CAMSAP1: variants seen among roughly 807,000 people sequenced by gnomAD.
CAMSAP1 encodes the protein calmodulin regulated spectrin associated protein 1.
CAMSAP1 carries 58 observed loss-of-function variants against 143.5 expected under a neutral mutation model. The ratio of observed to expected loss-of-function variants is 0.40; its 90% CI spans 0.33 to 0.50. CAMSAP1 has a LOEUF of 0.50. Ranked by LOEUF, CAMSAP1 falls within the 20% of genes least tolerant of loss-of-function variation. The pLI, the probability that CAMSAP1 is intolerant of heterozygous loss-of-function variation, is 0.45. For synonymous variants in CAMSAP1, 945 were observed against 859.3 expected (o/e 1.10, Z -1.74); for missense variants, 1,969 against 2,115.7 (o/e 0.93, Z 1.36).
rs1588445602 is a variant in CAMSAP1 at position 135,822,301 on chromosome 9, T to C, written c.2360A>G (p.Asp787Gly). The change falls in exon 11 of 17, where the codon GAC (aspartate) becomes GGC (glycine). Residue 787 changes from aspartate to glycine, a missense_variant. Asp to Gly is a moderately conservative substitution (Grantham distance 94, BLOSUM62 -1). Around this residue, in one of 4 missense-constraint regions of CAMSAP1, gnomAD observed 1,390 missense variants for 1,420.8 expected, o/e 0.98. Transcript: ENST00000389532. The surrounding 1 kb of genome is among the most constrained non-coding windows in gnomAD (Gnocchi z 6.1). Reference protein sequence around the residue: ...MKVKEHEDKDDASGRSSPCLS... With the variant: ...MKVKEHEDKDGASGRSSPCLS... ...GCAGGGGCTCGAGCGGCCGCTGGCG[T>C]CATCTTTGTCTTCATGTTCCTTCAC... 6.2e-7 allele frequency: 1 copy of C among 1,614,004 alleles called. No homozygotes were observed. The highest frequency in any genetic ancestry group is 8.5e-7 in the Non-Finnish European group (1 of 1,179,900).
intron 14 of CAMSAP1, among the ~76,000 whole-genome samples, chr9:135,816,611 C>T (rs1198953665): frequency 6.6e-6 from 1 of 152,162 alleles, no homozygotes; most frequent in South Asian, 2.1e-4. Context: ...GGGTAACTGA[C>T]CACCAGAACA....
At position 135,827,583 on chromosome 9, in the gene CAMSAP1, C is replaced by T. The variant is rs142430334; in HGVS notation, c.1047G>A (p.Ala349=). 35 of 1,560,076 alleles carry T rather than the reference C, an allele frequency of 2.2e-5. No homozygotes were observed. Among genetic ancestry groups the T allele is most frequent in the Admixed American group, 3.6e-5 (2 of 55,342 alleles). Residue 349 remains alanine (A), a splice_region_variant and synonymous_variant, in exon 8 of 17, where the codon GCG becomes GCA. Transcript: ENST00000389532. ...TGCTCTTCTGGTGTAACACTGTTTT[C>T]GCTGCAGAAATAGCGTTTTTGCATC... The part of the protein sequence containing the change: ...QPRDVQELKD[A]KTVLHQKSSR...
At chr9:135,859,701 C>A (rs750414232) in intron 5 of CAMSAP1, among the ~76,000 whole-genome samples, 1 of 151,942 alleles carries the variant, frequency 6.6e-6, no homozygotes, top group South Asian at 2.1e-4. Context: ...CGTAACTCTG[C>A]CATTTTTTAA....
rs558937854 is a variant in CAMSAP1 at position 135,822,571 on chromosome 9, G to A, written c.2090C>T (p.Thr697Met). 11 of 1,613,618 alleles carry A rather than the reference G, an allele frequency of 6.8e-6. No homozygotes were observed. The Admixed American group carries it at 1.2e-4, about 17-fold the overall frequency. ...GFDPFPQGPS[T>M]DGFFLHVGRA... ...GCCTACATGAAGGAAGAAGCCATCCGTGGATGGTCCCTGGGGGAACGGATC... is the reference window on the plus strand; with the variant it reads ...GCCTACATGAAGGAAGAAGCCATCCATGGATGGTCCCTGGGGGAACGGATC... The change falls in exon 11 of 17, where the codon ACG (threonine) becomes ATG (methionine). Residue 697 changes from threonine to methionine, a missense_variant. Around this residue, in one of 4 missense-constraint regions of CAMSAP1, gnomAD observed 1,390 missense variants for 1,420.8 expected, o/e 0.98. Transcript: ENST00000389532. This position sits in a 1 kb window ranked among gnomAD's most constrained non-coding sequence, Gnocchi z 6.1.
intron 16 of CAMSAP1, among the ~76,000 whole-genome samples, chr9:135,814,814 G>T (rs143279101): frequency 7.2e-5 from 11 of 152,284 alleles, no homozygotes; most frequent in Non-Finnish European, 1.5e-4. Context: ...ATCTCACTGA[G>T]TAGAACTATG....
rs148187558 is a variant in CAMSAP1 at position 135,898,814 on chromosome 9, G to C, written c.160+8186C>G. The stretch of plus-strand genomic sequence containing the variant: ...AAACAACTGGGCACTTTCTTACAAA[G>C]TTACACATATGTATCTTATTATCAC... On this transcript the variant is annotated intron_variant, in intron 1 of 16. Coordinates refer to ENST00000389532, the MANE Select transcript of CAMSAP1 (RefSeq NM_015447.4). Among the ~76,000 whole-genome samples the C allele has an allele frequency of 3.3e-3, 507 of 152,292 alleles. 1 individual carries two copies. Among genetic ancestry groups the C allele is most frequent in the Non-Finnish European group, 5.6e-3 (383 of 68,028 alleles).
rs1464108502 is a variant in CAMSAP1, at chr9:135,818,505, C to T, written c.4071G>A (p.Gly1357=). 1.2e-6 allele frequency: 2 copies of T among 1,611,376 alleles called. No individual in the cohort carries two copies. Among genetic ancestry groups the T allele is most frequent in the South Asian group, 1.1e-5 (1 of 91,010 alleles). ...RKQQQILEEQ[G]LGKPKSKPKK... ...TCGGCTTTGACTTGGGCTTGCCGAG[C>T]CCCTGCTCCTCTAGGATCTGCTGCT... Residue 1357 remains glycine (G), a synonymous_variant, in exon 13 of 17, where the codon GGG becomes GGA. Coordinates refer to ENST00000389532, the MANE Select transcript of CAMSAP1 (RefSeq NM_015447.4). This position sits in a 1 kb window ranked among gnomAD's most constrained non-coding sequence, Gnocchi z 7.7.
chr9:135,886,614 A>T (rs1471707833), intron 1 of CAMSAP1, among the ~76,000 whole-genome samples: 1 of 152,228 alleles, frequency 6.6e-6, no homozygotes, highest in Non-Finnish European at 1.5e-5. Flanking sequence ...CTGTCAGCAG[A>T]GCGAGACAGG....
rs752364311 is a variant in CAMSAP1 at position 135,882,195 on chromosome 9, C to T, written c.424-401G>A. ...CCAACTGCCCACCAGAGGCCTCTGGCTCCTAGTCCAGAGCTCTACCTGCTA... is the reference window on the plus strand; with the variant it reads ...CCAACTGCCCACCAGAGGCCTCTGGTTCCTAGTCCAGAGCTCTACCTGCTA... On this transcript the variant is annotated intron_variant, in intron 2 of 16. Transcript: ENST00000389532. The surrounding 1 kb of genome is among the most constrained non-coding windows in gnomAD (Gnocchi z 4.9). Among the ~76,000 whole-genome samples the T allele has an allele frequency of 3.2e-4, 48 of 152,196 alleles. No individual in the cohort carries two copies. Among genetic ancestry groups the T allele is most frequent in the Admixed American group, 2.0e-3 (30 of 15,286 alleles).
At chr9:135,874,957 A>G (rs1837690110) in intron 3 of CAMSAP1, among the ~76,000 whole-genome samples, 1 of 152,274 alleles carries the variant, frequency 6.6e-6, no homozygotes, top group Non-Finnish European at 1.5e-5. Flanking sequence ...TAAACTATAT[A>G]CAAAATGTTA....
At chr9:135,877,350 A>C (rs1389591099) in intron 3 of CAMSAP1, among the ~76,000 whole-genome samples, 1 of 152,146 alleles carries the variant, frequency 6.6e-6, no homozygotes, top group Non-Finnish European at 1.5e-5. Flanking sequence ...GTAGAGGATT[A>C]ACTGCAAAGC....
chr9:135,865,077 G>C (rs535232689), intron 4 of CAMSAP1, among the ~76,000 whole-genome samples: 14 of 152,160 alleles, frequency 9.2e-5, no homozygotes, highest in African/African-American at 3.4e-4. Context: ...CTCTCATTAC[G>C]TGCACGTTGA....
At position 135,892,848 on chromosome 9, in the gene CAMSAP1, C is replaced by CAAAAAAAAAAAAAAA. The variant is rs59978082; in HGVS notation, c.161-9785_161-9771dup. On this transcript the variant is annotated intron_variant, in intron 1 of 16. Coordinates refer to ENST00000389532, the MANE Select transcript of CAMSAP1 (RefSeq NM_015447.4). ...CCTGGGCAACAGAGCAAGACTGTCT[C>CAAAAAAAAAAAAAAA]AAAAAAAAAAAAAAAAAAAGAACTA... is the stretch of plus-strand genomic sequence containing the variant. Among the ~76,000 whole-genome samples, 382 of 41,948 alleles carry CAAAAAAAAAAAAAAA rather than the reference C, an allele frequency of 9.1e-3. 46 individuals carry two copies. The highest frequency in any genetic ancestry group is 0.023 in the Admixed American group (70 of 3,016). 27.5% of individuals were successfully genotyped at this position (41,948 alleles called of 152,430 possible).
chr9:135,822,368 T>C lies in CAMSAP1; in HGVS notation c.2293A>G (p.Ile765Val), dbSNP rs376648647. 25 of 1,613,872 alleles carry C rather than the reference T, an allele frequency of 1.5e-5. No individual in the cohort carries two copies. The highest frequency in any genetic ancestry group is 1.9e-5 in the Non-Finnish European group (23 of 1,179,904). The change falls in exon 11 of 17, where the codon ATT becomes GTT. Residue 765 changes from isoleucine (I) to valine (V), a missense_variant. By Grantham distance (29) the Ile-to-Val change is conservative. Around this residue, in one of 4 missense-constraint regions of CAMSAP1, gnomAD observed 1,390 missense variants for 1,420.8 expected, o/e 0.98. Transcript: ENST00000389532. This position sits in a 1 kb window ranked among gnomAD's most constrained non-coding sequence, Gnocchi z 6.1. ...AGTTTGGCCGACTCTTCCTCCCCAATGTATCTGCTGAAAACCACAGGATGG... is the reference window on the plus strand; with the variant it reads ...AGTTTGGCCGACTCTTCCTCCCCAACGTATCTGCTGAAAACCACAGGATGG... ...EAHPVVFSRY[I>V]GEEESAKLQE...
chr9:135,867,786 C>CA (rs1319590179), intron 3 of CAMSAP1, among the ~76,000 whole-genome samples: 2 of 152,136 alleles, frequency 1.3e-5, no homozygotes, highest in African/African-American at 4.8e-5. Context: ...ATCCACAGGA[C>CA]AAACAAGGCA....
At chr9:135,858,979 C>T (rs761564075) in intron 5 of CAMSAP1, among the ~76,000 whole-genome samples, 1 of 152,232 alleles carries the variant, frequency 6.6e-6, no homozygotes, top group Non-Finnish European at 1.5e-5. Flanking sequence ...GACTCACACC[C>T]ATCTCCCCTG....
At chr9:135,817,139 G>A (rs1277925071) in intron 14 of CAMSAP1, among the ~76,000 whole-genome samples, 1 of 152,164 alleles carries the variant, frequency 6.6e-6, no homozygotes, top group Non-Finnish European at 1.5e-5. Flanking sequence ...CTGGATCGAA[G>A]GAGACTACAG....
rs917152637 is a variant in CAMSAP1, at chr9:135,833,151, G to A, written c.1046-5567C>T. Among the ~76,000 whole-genome samples, 19 of 149,596 alleles carry A rather than the reference G, an allele frequency of 1.3e-4. No homozygotes were observed. In the South Asian group the frequency reaches 1.9e-3, roughly 15 times the overall value. On this transcript the variant is annotated intron_variant, in intron 7 of 16. Coordinates refer to ENST00000389532, the MANE Select transcript of CAMSAP1 (RefSeq NM_015447.4). ...GGCTGGAGTGCAGTGGCGCGATCTC[G>A]GCTCACTGCAAGCTCCGCCTCCCGG...
Position 135,815,161 on chromosome 9 carries a change from T to C in CAMSAP1, c.4442A>G (p.Asn1481Ser). 1 of 1,613,968 alleles carries C rather than the reference T, an allele frequency of 6.2e-7. No individual in the cohort carries two copies. Among genetic ancestry groups the C allele is most frequent in the Non-Finnish European group, 8.5e-7 (1 of 1,179,880 alleles). ...SSKSNKPIIH[N>S]AISHCCLAGK... is the part of the protein sequence containing the mutation. ...AGCCAGGCAGCAATGGGATATGGCA[T>C]TGTGAATAATCGGCTTGTTTGATTT... The change falls in exon 16 of 17, where the codon AAT becomes AGT. Residue 1481 changes from asparagine to serine, a missense_variant. By Grantham distance (46) the Asn-to-Ser change is conservative. Transcript: ENST00000389532.
Sources: gnomAD v4.1 joint callset for allele counts (sites outside exome capture counted in the v4.1 genomes callset) on GRCh38, gnomAD v4.1.1 for gene constraint, gnomAD v4.1.1 regional missense constraint, Gnocchi (gnomAD v3.1) non-coding constraint, MANE v1.5 for transcripts, NCBI Gene and HGNC (gene_info 2026-07-23, HGNC 2026-07-21) for gene names.